The following PRDM16 variants were observed in gnomAD, a reference collection of about 807,000 sequenced individuals.
PRDM16 encodes PR/SET domain 16.
Under a neutral mutation model 110.6 loss-of-function variants are expected in PRDM16, and 23 were observed. The ratio of observed to expected loss-of-function variants is 0.21; its 90% CI spans 0.15 to 0.29. PRDM16 has a LOEUF of 0.29. PRDM16 is among the 10% of genes least tolerant of loss of function. The pLI is 1.00. For synonymous variants in PRDM16, 799 were observed against 781.8 expected (o/e 1.02, Z -0.37); for missense variants, 1,615 against 1,794.3 (o/e 0.90, Z 1.81).
chr1:3,163,273 G>C (rs7513346), intron 1 of PRDM16, among the ~76,000 whole-genome samples: 63 of 52,524 alleles, frequency 1.2e-3, no homozygotes, highest in Middle Eastern at 9.4e-3. Flanking sequence ...GAGGGGATGT[G>C]CGCAGAAGCC....
intron 2 of PRDM16, among the ~76,000 whole-genome samples, chr1:3,211,805 G>A (rs1014727159): frequency 2.0e-5 from 3 of 152,250 alleles, no homozygotes; most frequent in African/African-American, 4.8e-5. Flanking sequence ...GTGTCCATGC[G>A]TGTGCACGTG....
intron 3 of PRDM16, among the ~76,000 whole-genome samples, chr1:3,279,895 A>G (rs1322527231): frequency 1.0e-5 from 1 of 99,914 alleles, no homozygotes; most frequent in Admixed American, 1.1e-4. Flanking sequence ...GGCACCCACC[A>G]CCAATGTGGG....
Position 3,425,976 on chromosome 1 carries a change from G to A in PRDM16, c.3110-75G>A, listed in dbSNP as rs182715482. ...CCTAACAGCACCCCAGGTGTACCCC[G>A]TTCGCGGTTGGTTTGCCCCACGGAG... is the stretch of plus-strand genomic sequence containing the variant. On this transcript the variant is annotated intron_variant, in intron 13 of 16. Coordinates refer to ENST00000270722, the MANE Select transcript of PRDM16 (RefSeq NM_022114.4). The surrounding 1 kb of genome is among the most constrained non-coding windows in gnomAD (Gnocchi z 6.9). The A allele has an allele frequency of 1.7e-4, 261 of 1,503,166 alleles. No individual in the cohort carries two copies. In the East Asian group the frequency reaches 3.5e-3, roughly 20 times the overall value. The allele number at this position is 1,503,166 out of a possible 1,614,324, so 93.1% of individuals were successfully genotyped here.
intron 1 of PRDM16, among the ~76,000 whole-genome samples, chr1:3,184,864 C>T (rs1174698487): frequency 1.3e-5 from 2 of 152,166 alleles, no homozygotes; most frequent in Admixed American, 6.5e-5. Context: ...GTCCAGGCTG[C>T]GCGTGCCAGG....
At chr1:3,138,468 C>T (rs1299949054) in intron 1 of PRDM16, among the ~76,000 whole-genome samples, 1 of 152,202 alleles carries the variant, frequency 6.6e-6, no homozygotes. Context: ...CGTCCAGTCT[C>T]TGAGGTTTCA....
intron 1 of PRDM16, among the ~76,000 whole-genome samples, chr1:3,108,755 C>A (rs1022304037): frequency 3.9e-5 from 6 of 152,142 alleles, no homozygotes; most frequent in African/African-American, 1.4e-4. Context: ...CCCTTCCTGT[C>A]CTGCCAGGAG....
chr1:3,091,886 G>T (rs1642285136), intron 1 of PRDM16, among the ~76,000 whole-genome samples: 1 of 152,224 alleles, frequency 6.6e-6, no homozygotes, highest in Admixed American at 6.5e-5. Flanking sequence ...GGGGGTGATG[G>T]ACAGTTCGCA....
chr1:3,086,655 C>T (rs1385623045), intron 1 of PRDM16, among the ~76,000 whole-genome samples: 3 of 152,266 alleles, frequency 2.0e-5, no homozygotes, highest in African/African-American at 4.8e-5. Flanking sequence ...GACCCAGGCC[C>T]GGCCACTGAC....
chr1:3,071,062 C>T (rs575311539), intron 1 of PRDM16, among the ~76,000 whole-genome samples: 1 of 152,394 alleles, frequency 6.6e-6, no homozygotes, highest in Non-Finnish European at 1.5e-5. Flanking sequence ...TGTGTGTGCA[C>T]CGCGGGCCTG....
chr1:3,186,639 G>A (rs1010692148), intron 2 of PRDM16, 165 bp downstream of exon 2: 37 of 567,188 alleles, frequency 6.5e-5, no homozygotes, highest in Non-Finnish European at 9.2e-5. Flanking sequence ...CTCGCCTGAT[G>A]CGACTCAGAA....
intron 2 of PRDM16, among the ~76,000 whole-genome samples, chr1:3,228,067 G>A (rs1480037583): frequency 3.3e-5 from 5 of 152,382 alleles, no homozygotes; most frequent in African/African-American, 7.2e-5. Flanking sequence ...AAACAGAAGC[G>A]CCAGTGGCGA....
In PRDM16 at chr1:3,080,612, G is replaced by A. The variant is rs183598277; in HGVS notation, c.37+11316G>A. ...ACCCCAAATTTTGTTTCATCAACTC[G>A]GCTGACAATCCATTTTGCAAAAACG... On this transcript the variant is annotated intron_variant, in intron 1 of 16. Coordinates refer to ENST00000270722, the MANE Select transcript of PRDM16 (RefSeq NM_022114.4). This position sits in a 1 kb window ranked among gnomAD's most constrained non-coding sequence, Gnocchi z 5.2. Among the ~76,000 whole-genome samples, 35 of 152,108 alleles carry A rather than the reference G, an allele frequency of 2.3e-4. No individual in the cohort carries two copies. Among genetic ancestry groups the A allele is most frequent in the African/African-American group, 6.5e-4 (27 of 41,482 alleles).
Position 3,412,688 on chromosome 1 carries a change from C to A in PRDM16, c.2491C>A (p.Arg831Ser). ...CCGCAAGAACCACGTCTATGGGGAA[C>A]GCAAGCTGGGCGCCGGCGAGGGGCT... ...EPRKNHVYGERKLGAGEGLPQ... is the reference protein window; with the variant it reads ...EPRKNHVYGESKLGAGEGLPQ... Residue 831 changes from arginine (R) to serine (S), a missense_variant, in exon 9 of 17, where the codon CGC becomes AGC. By Grantham distance (110) the Arg-to-Ser change is moderately radical (BLOSUM62 -1). Transcript: ENST00000270722. The A allele has an allele frequency of 1.3e-6, 2 of 1,499,830 alleles. No homozygotes were observed. Among genetic ancestry groups the A allele is most frequent in the South Asian group, 2.6e-5 (2 of 76,780 alleles). The allele number at this position is 1,499,830 out of a possible 1,614,324, so 92.9% of individuals were successfully genotyped here. A position where few individuals can be genotyped will look rare whatever the true frequency, so the allele number is the denominator to read the frequency against.
At chr1:3,183,279 C>T (rs1569790961) in intron 1 of PRDM16, among the ~76,000 whole-genome samples, 1 of 152,208 alleles carries the variant, frequency 6.6e-6, no homozygotes, top group Admixed American at 6.5e-5. Context: ...TCGGGGGCAT[C>T]CTGGCCGGAG....
At chr1:3,118,769 G>T (rs1045982589) in intron 1 of PRDM16, among the ~76,000 whole-genome samples, 1 of 152,188 alleles carries the variant, frequency 6.6e-6, no homozygotes, top group Non-Finnish European at 1.5e-5. Context: ...AGCTGCTGGC[G>T]TGCTAGGGCG....
chr1:3,217,653 G>A (rs1639060372), intron 2 of PRDM16, among the ~76,000 whole-genome samples: 1 of 152,196 alleles, frequency 6.6e-6, no homozygotes, highest in African/African-American at 2.4e-5. Flanking sequence ...CTGTCCAGAA[G>A]CAGCGTTTTC....
intron 8 of PRDM16, among the ~76,000 whole-genome samples, chr1:3,407,873 G>A (rs764643665): frequency 6.6e-6 from 1 of 152,176 alleles, no homozygotes; most frequent in Non-Finnish European, 1.5e-5. Context: ...CCACACACTC[G>A]GCTCACCTTT....
chr1:3,357,634 G>C (rs1436072540), intron 3 of PRDM16, among the ~76,000 whole-genome samples: 1 of 146,180 alleles, frequency 6.8e-6, no homozygotes, highest in East Asian at 1.9e-4. Flanking sequence ...GTCCTGTTCT[G>C]ACGCTTAACC....
Position 3,211,524 on chromosome 1 carries a change from C to T in PRDM16, c.387+25050C>T, listed in dbSNP as rs556607481. Among the ~76,000 whole-genome samples the T allele has an allele frequency of 7.2e-5, 11 of 152,298 alleles. 1 individual carries two copies. In the South Asian group the frequency reaches 1.2e-3, roughly 17 times the overall value. On this transcript the variant is annotated intron_variant, in intron 2 of 16. Transcript: ENST00000270722. Reference sequence around the variant, plus strand: ...GGCCCGTCGGGGGCTGCAGCAGATTCGTGTCTTGAAAACAGGTTGGGTCCA... The same window carrying T: ...GGCCCGTCGGGGGCTGCAGCAGATTTGTGTCTTGAAAACAGGTTGGGTCCA...
Sources: gnomAD v4.1 joint callset for allele counts (sites outside exome capture counted in the v4.1 genomes callset) on GRCh38, gnomAD v4.1.1 for gene constraint, Gnocchi (gnomAD v3.1) non-coding constraint, MANE v1.5 for transcripts, NCBI Gene and HGNC (gene_info 2026-07-23, HGNC 2026-07-21) for gene names.